The following CSMD1 variants were observed in gnomAD, a reference collection of about 807,000 sequenced individuals.
The protein encoded by CSMD1 is CUB and sushi domain-containing protein 1.
A neutral mutation model predicts 417.5 loss-of-function variants in CSMD1; 213 were observed. The ratio of observed to expected loss-of-function variants is 0.51; its 90% CI spans 0.46 to 0.57. CSMD1 has a LOEUF of 0.57. CSMD1 is among the 20% of genes least tolerant of loss of function. The pLI, the probability that CSMD1 is intolerant of heterozygous loss-of-function variation, is 0.00. For missense variants in CSMD1, 6,923 were observed against 4,529.7 expected (o/e 1.53, Z -15.17); for synonymous variants, 2,862 against 1,736.8 (o/e 1.65, Z -16.11).
At chr8:4,864,809 T>C (rs527638511) in intron 1 of CSMD1, among the ~76,000 whole-genome samples, 1 of 151,474 alleles carries the variant, frequency 6.6e-6, no homozygotes, top group African/African-American at 2.4e-5. Flanking sequence ...GTATTCTCTG[T>C]AATCTTTTCA....
chr8:3,500,374 T>G (rs1006026447), intron 10 of CSMD1, among the ~76,000 whole-genome samples: 4 of 152,080 alleles, frequency 2.6e-5, no homozygotes, highest in African/African-American at 9.7e-5. Context: ...CTGTGGCCAG[T>G]GAGCATTTAG....
intron 18 of CSMD1, among the ~76,000 whole-genome samples, chr8:3,371,784 G>C (rs976401931): frequency 1.3e-5 from 2 of 152,092 alleles, no homozygotes; most frequent in African/African-American, 4.8e-5. Flanking sequence ...CGGCAAAAGA[G>C]AAAATTTTTA....
chr8:3,269,890 G>A (rs886516956), intron 26 of CSMD1, among the ~76,000 whole-genome samples: 1 of 152,104 alleles, frequency 6.6e-6, no homozygotes, highest in East Asian at 1.9e-4. Flanking sequence ...AGCCTCTAAA[G>A]CTCCTTTTTC....
At chr8:4,182,066 C>G (rs1241075843) in intron 3 of CSMD1, among the ~76,000 whole-genome samples, 1 of 150,086 alleles carries the variant, frequency 6.7e-6, no homozygotes, top group Middle Eastern at 3.2e-3. Context: ...GTGTGTATAC[C>G]TAAATTAGGT....
At chr8:4,779,925 T>A (rs1797067137) in intron 1 of CSMD1, among the ~76,000 whole-genome samples, 1 of 151,460 alleles carries the variant, frequency 6.6e-6, no homozygotes. Flanking sequence ...TTTTCTCCAA[T>A]AAGAAAATAA....
chr8:4,949,499 C>T (rs185847117), intron 1 of CSMD1, among the ~76,000 whole-genome samples: 33 of 152,278 alleles, frequency 2.2e-4, no homozygotes, highest in Admixed American at 1.9e-3. Context: ...CAACCAGGGG[C>T]AATTCTGCCT....
intron 5 of CSMD1, among the ~76,000 whole-genome samples, chr8:3,929,475 C>A (rs1044922854): frequency 2.0e-5 from 3 of 150,428 alleles, no homozygotes; most frequent in African/African-American, 4.9e-5. Context: ...GCTACAGGTG[C>A]TGTCTCTGAA....
intron 1 of CSMD1, among the ~76,000 whole-genome samples, chr8:4,644,822 G>C (rs1047344219): frequency 3.9e-5 from 6 of 152,218 alleles, no homozygotes; most frequent in African/African-American, 1.4e-4. Flanking sequence ...CAAGAGTGAA[G>C]ATAATGATTG....
intron 2 of CSMD1, among the ~76,000 whole-genome samples, chr8:4,468,244 G>C (rs1392498246): frequency 6.6e-6 from 1 of 152,170 alleles, no homozygotes; most frequent in African/African-American, 2.4e-5. Flanking sequence ...AAGGAGAGCT[G>C]GCTGACTTCT....
intron 8 of CSMD1, among the ~76,000 whole-genome samples, chr8:3,608,634 C>G (rs1243185053): frequency 4.6e-5 from 7 of 151,432 alleles, no homozygotes; most frequent in African/African-American, 1.7e-4. Flanking sequence ...CATGGTAGCA[C>G]ACGCCTGTAA....
chr8:4,932,951 C>A (rs1807344664), intron 1 of CSMD1, among the ~76,000 whole-genome samples: 1 of 152,096 alleles, frequency 6.6e-6, no homozygotes, highest in Non-Finnish European at 1.5e-5. Context: ...TAACATGTAT[C>A]TAGCCAAAAT....
intron 10 of CSMD1, among the ~76,000 whole-genome samples, chr8:3,524,160 C>CAG (rs201855024): frequency 0.015 from 2,219 of 151,622 alleles, 16 homozygotes; most frequent in South Asian, 0.03. Context: ...CATGCACAGC[C>CAG]AGAGACGTGC....
intron 1 of CSMD1, among the ~76,000 whole-genome samples, chr8:4,990,155 C>G (rs1012280141): frequency 9.2e-5 from 14 of 152,174 alleles, no homozygotes; most frequent in Admixed American, 3.9e-4. Flanking sequence ...CCTCATTGCC[C>G]TACCATTCAA....
chr8:4,031,058 T>G (rs1277646312), intron 4 of CSMD1, among the ~76,000 whole-genome samples: 1 of 152,176 alleles, frequency 6.6e-6, no homozygotes, highest in Non-Finnish European at 1.5e-5. Flanking sequence ...TGGTCAAAGC[T>G]ATTCAACAAG....
intron 3 of CSMD1, among the ~76,000 whole-genome samples, chr8:4,269,560 T>C (rs951546061): frequency 2.0e-5 from 3 of 152,236 alleles, no homozygotes; most frequent in African/African-American, 7.2e-5. Context: ...GTAGCTTTTT[T>C]CCTTTTTCTC....
intron 3 of CSMD1, among the ~76,000 whole-genome samples, chr8:4,385,812 T>A (rs961903143): frequency 6.6e-6 from 1 of 152,200 alleles, no homozygotes. Flanking sequence ...TCTCATAGCT[T>A]AAAAATTATT....
At chr8:3,423,317 C>T (rs987547185) in intron 12 of CSMD1, among the ~76,000 whole-genome samples, 2 of 152,174 alleles carry the variant, frequency 1.3e-5, no homozygotes, top group Non-Finnish European at 2.9e-5. Context: ...CCTCCATATC[C>T]ATTTTCAGTC....
At chr8:3,217,967 T>C (rs937494035) in intron 29 of CSMD1, among the ~76,000 whole-genome samples, 2 of 152,254 alleles carry the variant, frequency 1.3e-5, no homozygotes, top group African/African-American at 4.8e-5. Context: ...TCCTCTTCCC[T>C]AATTCTTTGT....
chr8:4,598,086 A>G (rs565844459), intron 2 of CSMD1, among the ~76,000 whole-genome samples: 2 of 152,300 alleles, frequency 1.3e-5, no homozygotes, highest in African/African-American at 4.8e-5. Context: ...CAGAAAATAA[A>G]AAGCTAGAAT....
Sources: gnomAD v4.1 joint callset for allele counts (sites outside exome capture counted in the v4.1 genomes callset) on GRCh38, gnomAD v4.1.1 for gene constraint, MANE v1.5 for transcripts, NCBI Gene and HGNC (gene_info 2026-07-23, HGNC 2026-07-21) for gene names.